The following OTOG variants were observed in gnomAD, a reference collection of about 807,000 sequenced individuals.
OTOG encodes the protein otogelin.
OTOG carries 296 observed loss-of-function variants against 313.8 expected under a neutral mutation model. The ratio of observed to expected loss-of-function variants is 0.94; its 90% confidence interval spans 0.86 to 1.04. OTOG has a LOEUF of 1.04. OTOG is among the 50% of genes least tolerant of loss of function. OTOG has a pLI of 0.00. For missense variants in OTOG, 3,948 were observed against 3,840.1 expected (o/e 1.03, Z -0.74); for synonymous variants, 1,533 against 1,554.9 (o/e 0.99, Z 0.33).
chr11:17,645,561 C>T lies in OTOG; in HGVS notation c.8462-3C>T. 6.4e-7 allele frequency: 1 copy of T among 1,550,460 alleles called. No individual in the cohort carries two copies. The stretch of plus-strand genomic sequence containing the variant: ...CAGCTGCCTCATCCCCCTGTCCCCC[C>T]AGGTAAGGAGGATGGGCGCTCCTGC... On this transcript the variant is annotated splice_region_variant and splice_polypyrimidine_tract_variant and intron_variant, in intron 54 of 55. Coordinates refer to ENST00000399397, the MANE Select transcript of OTOG (RefSeq NM_001292063.2).
intron 23 of OTOG, among the ~76,000 whole-genome samples, chr11:17,578,917 C>T (rs1394089736): frequency 6.6e-6 from 1 of 152,232 alleles, no homozygotes; most frequent in African/African-American, 2.4e-5. Context: ...ACCTCTTCCT[C>T]TGCACTGTTC....
rs75694584 is a variant in OTOG, at chr11:17,640,508, C to G, written c.7936-237C>G. Among the ~76,000 whole-genome samples, 640 of 152,328 alleles carry G rather than the reference C, an allele frequency of 4.2e-3. 18 individuals are homozygous for G. The East Asian group carries it at 0.068, about 16-fold the overall frequency. ...AAGGTGAGAAGTAGTGTGAGCCACC[C>G]GGGGCTCTGTCCCTCGCTGTGAAAG... On this transcript the variant is annotated intron_variant, in intron 49 of 55. Transcript: ENST00000399397.
rs965965920 is a variant in OTOG at position 17,593,622 on chromosome 11, T to C, written c.3154T>C (p.Phe1052Leu). 6.5e-7 allele frequency: 1 copy of C among 1,548,960 alleles called. No homozygotes were observed. The highest frequency in any genetic ancestry group is 2.4e-5 in the East Asian group (1 of 40,920). The change falls in exon 27 of 56, where the codon TTC becomes CTC. Residue 1052 changes from phenylalanine (F) to leucine (L), a missense_variant. Physicochemically the swap from Phe to Leu is conservative, Grantham distance 22. Coordinates refer to ENST00000399397, the MANE Select transcript of OTOG (RefSeq NM_001292063.2). ...DDSGNPSPES[F>L]LDDKQEVHTW... The stretch of plus-strand genomic sequence containing the variant: ...TCTGTCCCTCTAGAGTCCAGAGAGC[T>C]TCCTGGATGACAAGCAGGAGGTCCA...
intron 44 of OTOG, 51 bp downstream of exon 44, chr11:17,634,332 G>A: frequency 6.6e-7 from 1 of 1,525,110 alleles, no homozygotes. Context: ...ACAGTTAAAA[G>A]GTTCCAGCCC....
At chr11:17,613,207 C>CT (rs1478225457) in intron 38 of OTOG, among the ~76,000 whole-genome samples, 1 of 105,654 alleles carries the variant, frequency 9.5e-6, no homozygotes, top group African/African-American at 4.2e-5. Context: ...TTCTTTCTTT[C>CT]TTTCTTTCTT....
At chr11:17,552,141 G>A in intron 4 of OTOG, 66 bp downstream of exon 4, 1 of 1,475,050 alleles carries the variant, frequency 6.8e-7, no homozygotes, top group Non-Finnish European at 9.3e-7. Context: ...GGCCTGAAAG[G>A]GCAGAGGGCA....
chr11:17,575,434 C>A (rs1488193309), intron 20 of OTOG, among the ~76,000 whole-genome samples: 2 of 152,194 alleles, frequency 1.3e-5, no homozygotes, highest in South Asian at 2.1e-4. Flanking sequence ...GGAAGTAAAG[C>A]CTTTCTGCGG....
At position 17,558,707 on chromosome 11, in the gene OTOG, G is replaced by A. The variant is rs1044851737; in HGVS notation, c.1103+63G>A. 28 of 1,462,804 alleles carry A rather than the reference G, an allele frequency of 1.9e-5. No homozygotes were observed. In the East Asian group the frequency reaches 5.7e-4, roughly 30 times the overall value. The allele number at this position is 1,462,804 out of a possible 1,614,324, so 90.6% of individuals were successfully genotyped here. The stretch of plus-strand genomic sequence containing the variant: ...GTATTGGGGTGAGTGCTCAGCACAC[G>A]GGCCATCAAACTGGGTGATCCCAGG... On this transcript the variant is annotated intron_variant, in intron 10 of 55. Coordinates refer to ENST00000399397, the MANE Select transcript of OTOG (RefSeq NM_001292063.2).
rs1852975447 is a variant in OTOG, at chr11:17,592,600, GC to G, written c.3007-592del. ...TTATGTGAATAAGATTCTACAATGT[GC>G]TTTTTTTACTTAAGAGGATACCTCG... On this transcript the variant is annotated intron_variant, in intron 25 of 55. Transcript: ENST00000399397. 2.0e-5 allele frequency among the ~76,000 whole-genome samples: 3 copies of G among 152,210 alleles called. No individual in the cohort carries two copies. In the South Asian group the frequency reaches 6.2e-4, roughly 32 times the overall value.
rs550949638 is a variant in OTOG, at chr11:17,578,644, G to T, written c.2759+118G>T. The stretch of plus-strand genomic sequence containing the variant: ...GCCTTGTAGGAAGGCACTGGCCCAG[G>T]CTGGCCAGCCACAGCTGTAATGGCC... On this transcript the variant is annotated intron_variant, in intron 23 of 55. Coordinates refer to ENST00000399397, the MANE Select transcript of OTOG (RefSeq NM_001292063.2). 34 of 1,301,712 alleles carry T rather than the reference G, an allele frequency of 2.6e-5. 1 individual carries two copies. The South Asian group carries it at 4.9e-4, about 19-fold the overall frequency. The allele number at this position is 1,301,712 out of a possible 1,614,324, so 80.6% of individuals were successfully genotyped here.
In OTOG at chr11:17,612,613, C is replaced by T. The variant is rs143985593; in HGVS notation, c.6293-7C>T. On this transcript the variant is annotated splice_region_variant and splice_polypyrimidine_tract_variant and intron_variant, in intron 37 of 55. Transcript: ENST00000399397. ...CCTATTCTTCTTGTGCCCTGCCCCT[C>T]CCCCAGGCCGGTGCTCAATCTTCCC... 1.5e-3 allele frequency: 2,352 copies of T among 1,548,930 alleles called. 31 individuals carry two copies. In the African/African-American group the frequency reaches 0.029, roughly 19 times the overall value.
At chr11:17,574,269 T>G (rs904595006) in intron 19 of OTOG, among the ~76,000 whole-genome samples, 1 of 152,150 alleles carries the variant, frequency 6.6e-6, no homozygotes, top group Non-Finnish European at 1.5e-5. Flanking sequence ...GCACAGTTGA[T>G]ATCCACAACC....
At chr11:17,569,913 G>C (rs976738815) in intron 16 of OTOG, among the ~76,000 whole-genome samples, 1 of 152,186 alleles carries the variant, frequency 6.6e-6, no homozygotes, top group Admixed American at 6.5e-5. Flanking sequence ...TTCTGCTAGA[G>C]GAGGAAACGT....
At chr11:17,555,963 C>G in intron 7 of OTOG, 66 bp downstream of exon 7, 2 of 1,256,580 alleles carry the variant, frequency 1.6e-6, no homozygotes, top group Non-Finnish European at 2.3e-6. Context: ...GATGGGTGAG[C>G]ATCCGCTCTT....
chr11:17,635,536 C>A, intron 46 of OTOG, 74 bp from the exon 47 acceptor site: 2 of 1,233,610 alleles, frequency 1.6e-6, no homozygotes, highest in Non-Finnish European at 2.3e-6. Context: ...GGAGGCCCCA[C>A]CCCCAGCAAC....
intron 22 of OTOG, among the ~76,000 whole-genome samples, 160 bp downstream of exon 22, chr11:17,577,071 A>G (rs573812139): frequency 3.7e-4 from 57 of 152,300 alleles, no homozygotes; most frequent in African/African-American, 1.3e-3. Context: ...TCCAGCTTGG[A>G]GGGTGGCACC....
At chr11:17,633,624 GTGGGGAGCCCTGCC>G in intron 42 of OTOG, 42 bp from the exon 43 acceptor site, 7 of 1,455,214 alleles carry the variant, frequency 4.8e-6, no homozygotes, top group Middle Eastern at 3.6e-4. Context: ...TCGGCCCTCA[GTGGGGAGCCCTGCC>G]TGGGGTCTGA....
rs1292245885 is a variant in OTOG at position 17,608,333 on chromosome 11, G to C, written c.4194G>C (p.Glu1398Asp). The change falls in exon 34 of 56, where the codon GAG becomes GAC. Residue 1398 changes from glutamate (E) to aspartate (D), a missense_variant. Physicochemically the swap from Glu to Asp is conservative, Grantham distance 45. Transcript: ENST00000399397. ...CGGGGGCTGCCTACCCCATCTGCGA[G>C]TGGCGCTACGATGCCTGTGCCAGCC... ...KPSGAAYPIC[E>D]WRYDACASPC... 6.5e-7 allele frequency: 1 copy of C among 1,546,772 alleles called. No individual in the cohort carries two copies. Among genetic ancestry groups the C allele is most frequent in the Non-Finnish European group, 8.7e-7 (1 of 1,145,566 alleles).
chr11:17,553,529 C>T lies in OTOG; in HGVS notation c.540+10C>T, dbSNP rs557261958. The T allele has an allele frequency of 4.9e-6, 7 of 1,424,414 alleles. No individual in the cohort carries two copies. Among genetic ancestry groups the T allele is most frequent in the East Asian group, 5.2e-5 (2 of 38,666 alleles). The allele number at this position is 1,424,414 out of a possible 1,614,324, so 88.2% of individuals were successfully genotyped here. On this transcript the variant is annotated intron_variant, in intron 6 of 55. Coordinates refer to ENST00000399397, the MANE Select transcript of OTOG (RefSeq NM_001292063.2). ...GAGCTTCTCCATCCAGGTGAGGCCTCCCCTGCCTTGCCTGTCCAGGAATGC... is the reference window on the plus strand; with the variant it reads ...GAGCTTCTCCATCCAGGTGAGGCCTTCCCTGCCTTGCCTGTCCAGGAATGC...
Sources: allele counts gnomAD v4.1 joint callset (sites outside exome capture counted in the v4.1 genomes callset), GRCh38; gene constraint gnomAD v4.1.1; transcripts MANE v1.5; gene names NCBI Gene and HGNC (gene_info 2026-07-23, HGNC 2026-07-21).